The following ADGB variants were observed in gnomAD, a reference collection of about 807,000 sequenced individuals.
The protein encoded by ADGB is calpain-7-like protein.
Under a neutral mutation model 210.5 loss-of-function variants are expected in ADGB, and 172 were observed. The ratio of observed to expected loss-of-function variants is 0.82; its 90% CI spans 0.72 to 0.93. The LOEUF is 0.93. Ranked by LOEUF, ADGB falls within the 40% of genes least tolerant of loss-of-function variation. The pLI is 0.00. For synonymous variants in ADGB, 658 were observed against 662.7 expected, an observed-to-expected ratio of 0.99 and a Z score of 0.11; for missense variants, 2,025 against 1,964.8, an observed-to-expected ratio of 1.03 and a Z score of -0.58.
In ADGB at chr6:146,692,926, A is replaced by C. The variant is rs1187543587; in HGVS notation, c.1577+11A>C. On this transcript the variant is annotated intron_variant, in intron 12 of 35. Transcript: ENST00000397944. ...AATTCCAACAGAAATGTAAGTATTA[A>C]CATTCTTCCTCACAAATGTGTCTTG... The C allele has an allele frequency of 2.2e-5, 31 of 1,385,272 alleles. No individual in the cohort carries two copies. The highest frequency in any genetic ancestry group is 2.4e-5 in the Non-Finnish European group (24 of 1,004,648). 85.8% of individuals were successfully genotyped at this position (1,385,272 alleles called of 1,614,324 possible). A position where few individuals can be genotyped will look rare whatever the true frequency, so the allele number is the denominator to read the frequency against.
At chr6:146,807,992 GTTTTT>G (rs369961809) in intron 35 of ADGB, among the ~76,000 whole-genome samples, 2 of 103,162 alleles carry the variant, frequency 1.9e-5, no homozygotes, top group African/African-American at 3.8e-5. Flanking sequence ...CTATGCTTCA[GTTTTT>G]TTTTTTTTTT....
chr6:146,784,597 C>A, intron 30 of ADGB, 21 bp from the exon 31 acceptor site: 1 of 1,486,496 alleles, frequency 6.7e-7, no homozygotes, highest in East Asian at 2.5e-5. Context: ...ATGCAAAACC[C>A]AAAGGTTTTT....
At chr6:146,773,404 T>G (rs550479564) in intron 29 of ADGB, among the ~76,000 whole-genome samples, 1 of 152,242 alleles carries the variant, frequency 6.6e-6, no homozygotes, top group East Asian at 1.9e-4. Flanking sequence ...AATATATAAA[T>G]GGGAAGTTTT....
At chr6:146,739,065 C>T (rs1047187383) in intron 23 of ADGB, among the ~76,000 whole-genome samples, 11 of 152,018 alleles carry the variant, frequency 7.2e-5, no homozygotes, top group African/African-American at 1.9e-4. Context: ...TTTTGATGGC[C>T]CTACATTCAT....
At position 146,676,356 on chromosome 6, in the gene ADGB, T is replaced by C. The variant is rs1457148840; in HGVS notation, c.1131T>C (p.Asp377=). The part of the protein sequence containing the change: ...ARDIGKKRSK[D]GEKEKFKFSL... Reference sequence around the variant, plus strand: ...ACATTGGAAAGAAGAGAAGCAAAGATGGAGAAAAAGAAAAATTCAAATTCT... The same window carrying C: ...ACATTGGAAAGAAGAGAAGCAAAGACGGAGAAAAAGAAAAATTCAAATTCT... The change falls in exon 9 of 36, where the codon GAT becomes GAC. Residue 377 remains aspartate, a synonymous_variant. Transcript: ENST00000397944. 4 of 1,549,476 alleles carry C rather than the reference T, an allele frequency of 2.6e-6. No individual in the cohort carries two copies. The highest frequency in any genetic ancestry group is 2.0e-5 in the Admixed American group (1 of 50,784).
intron 30 of ADGB, among the ~76,000 whole-genome samples, chr6:146,782,602 A>G (rs188803189): frequency 1.3e-5 from 2 of 151,686 alleles, no homozygotes; most frequent in East Asian, 3.9e-4. Context: ...GAACCGAGTT[A>G]ATAAGCAAAG....
At chr6:146,679,299 G>A (rs544766860) in intron 9 of ADGB, among the ~76,000 whole-genome samples, 22 of 152,050 alleles carry the variant, frequency 1.4e-4, no homozygotes, top group Middle Eastern at 6.8e-3. Flanking sequence ...TGTTCAATAC[G>A]TACCAAGAGT....
At chr6:146,760,434 ATTCTAT>A (rs1411672520) in intron 27 of ADGB, among the ~76,000 whole-genome samples, 2 of 142,220 alleles carry the variant, frequency 1.4e-5, no homozygotes, top group African/African-American at 2.6e-5. Flanking sequence ...ATATAACACT[ATTCTAT>A]TTCTATCTAT....
Position 146,670,504 on chromosome 6 carries a change from G to A in ADGB, c.840-1716G>A, listed in dbSNP as rs549687258. On this transcript the variant is annotated intron_variant, in intron 7 of 35. Coordinates refer to ENST00000397944, the MANE Select transcript of ADGB (RefSeq NM_024694.4). ...TTTCATCAGATTATTCACCTAGCTG[G>A]GTATGTCACAACGCCTGGGTTTCAC... Among the ~76,000 whole-genome samples the A allele has an allele frequency of 5.3e-5, 8 of 152,156 alleles. No homozygotes were observed. The South Asian group carries it at 1.5e-3, about 28-fold the overall frequency.
Position 146,717,465 on chromosome 6 carries a change from A to G in ADGB, c.1929-71A>G. On this transcript the variant is annotated intron_variant, in intron 15 of 35. Coordinates refer to ENST00000397944, the MANE Select transcript of ADGB (RefSeq NM_024694.4). Reference sequence around the variant, plus strand: ...TTTCTTCCTACAATAATTTGATTATAAGAAACTTAACATGTAGTACTAGTC... The same window carrying G: ...TTTCTTCCTACAATAATTTGATTATGAGAAACTTAACATGTAGTACTAGTC... 3.6e-6 allele frequency: 3 copies of G among 823,484 alleles called. No homozygotes were observed. The South Asian group carries it at 5.9e-5, about 16-fold the overall frequency. The allele number at this position is 823,484 out of a possible 1,614,324, so 51.0% of individuals were successfully genotyped here.
chr6:146,801,729 A>G (rs927569365), intron 34 of ADGB, 99 bp from the exon 35 acceptor site: 107 of 1,040,612 alleles, frequency 1.0e-4, no homozygotes, highest in Admixed American at 1.6e-4. Flanking sequence ...TCAGACCACC[A>G]CACTGTTGAT....
chr6:146,645,313 A>C lies in ADGB; in HGVS notation c.330+448A>C, dbSNP rs550141111. Among the ~76,000 whole-genome samples, 8 of 152,116 alleles carry C rather than the reference A, an allele frequency of 5.3e-5. No individual in the cohort carries two copies. The South Asian group carries it at 1.7e-3, about 31-fold the overall frequency. Reference sequence around the variant, plus strand: ...ATTCTTGAAGCATTTTCCAGAGAACACTTTTATTTCTGGATCTCATGCCCA... The same window carrying C: ...ATTCTTGAAGCATTTTCCAGAGAACCCTTTTATTTCTGGATCTCATGCCCA... On this transcript the variant is annotated intron_variant, in intron 3 of 35. Transcript: ENST00000397944.
intron 1 of ADGB, among the ~76,000 whole-genome samples, chr6:146,615,175 G>A (rs1780779561): frequency 6.6e-6 from 1 of 151,896 alleles, no homozygotes; most frequent in African/African-American, 2.4e-5. Context: ...CAAATTGCTG[G>A]GATTACAGGC....
At chr6:146,678,631 T>C (rs1776115863) in intron 9 of ADGB, among the ~76,000 whole-genome samples, 1 of 152,184 alleles carries the variant, frequency 6.6e-6, no homozygotes, top group Non-Finnish European at 1.5e-5. Context: ...TTTTTCAAAG[T>C]AGCATATTTA....
intron 4 of ADGB, 110 bp downstream of exon 4, chr6:146,654,316 G>T: frequency 6.3e-6 from 3 of 472,954 alleles, no homozygotes; most frequent in South Asian, 2.7e-5. Context: ...TTTAAGTTTT[G>T]GTATTATATA....
chr6:146,750,428 C>T (rs973385147), intron 26 of ADGB, among the ~76,000 whole-genome samples: 1 of 151,942 alleles, frequency 6.6e-6, no homozygotes, highest in Non-Finnish European at 1.5e-5. Context: ...CATGGTGGTG[C>T]ATACCTGTAG....
chr6:146,710,096 C>A (rs1040239616), intron 13 of ADGB, among the ~76,000 whole-genome samples: 3 of 150,418 alleles, frequency 2.0e-5, no homozygotes, highest in East Asian at 2.0e-4. Flanking sequence ...TTCCTTAAGC[C>A]AGATATAGAA....
intron 28 of ADGB, among the ~76,000 whole-genome samples, chr6:146,767,805 C>G (rs1267311337): frequency 6.6e-6 from 1 of 152,116 alleles, no homozygotes; most frequent in African/African-American, 2.4e-5. Context: ...AAGTGACTTC[C>G]TCAAGGCCAA....
intron 6 of ADGB, among the ~76,000 whole-genome samples, chr6:146,665,319 A>G (rs189110608): frequency 6.6e-6 from 1 of 152,002 alleles, no homozygotes; most frequent in Admixed American, 6.6e-5. Flanking sequence ...TCCTACTGCC[A>G]TCCTCTTCAT....
Sources: gnomAD v4.1 joint callset for allele counts (sites outside exome capture counted in the v4.1 genomes callset) on GRCh38, gnomAD v4.1.1 for gene constraint, MANE v1.5 for transcripts, NCBI Gene and HGNC (gene_info 2026-07-23, HGNC 2026-07-21) for gene names.